Variants in MPDZ observed in about 807,000 individuals in gnomAD.
MPDZ encodes multiple PDZ domain protein.
MPDZ carries 234 observed loss-of-function variants against 239.1 expected under a neutral mutation model. The observed-to-expected ratio is 0.98, with a 90% CI of 0.88 to 1.09. The LOEUF is 1.09. Among genes scored for constraint, MPDZ ranks in the 50% least tolerant of loss-of-function variants. MPDZ has a pLI of 0.00. For missense variants in MPDZ, 3,175 were observed against 2,510.0 expected, an observed-to-expected ratio of 1.26 and a Z score of -5.66; for synonymous variants, 1,048 against 881.3, an observed-to-expected ratio of 1.19 and a Z score of -3.35.
intron 17 of MPDZ, among the ~76,000 whole-genome samples, chr9:13,187,320 A>T (rs1954250806): frequency 6.6e-6 from 1 of 152,154 alleles, no homozygotes; most frequent in Non-Finnish European, 1.5e-5. Context: ...CTGCTTCTGA[A>T]TAACTGGTAT....
At chr9:13,231,264 T>C (rs1050438367) in intron 3 of MPDZ, among the ~76,000 whole-genome samples, 1 of 152,012 alleles carries the variant, frequency 6.6e-6, no homozygotes, top group Non-Finnish European at 1.5e-5. Flanking sequence ...GTAACACATT[T>C]ATCAAAATAT....
chr9:13,271,735 A>G (rs1001448538), intron 1 of MPDZ, among the ~76,000 whole-genome samples: 5 of 152,186 alleles, frequency 3.3e-5, no homozygotes, highest in African/African-American at 1.2e-4. Context: ...ACCATAAGAC[A>G]ACGGAAGTGC....
rs1563854347 is a variant in MPDZ at position 13,126,660 on chromosome 9, G to A, written c.4557+20C>T. 5 of 1,612,080 alleles carry A rather than the reference G, an allele frequency of 3.1e-6. No homozygotes were observed. Among genetic ancestry groups the A allele is most frequent in the Admixed American group, 3.3e-5 (2 of 59,992 alleles). Reference sequence around the variant, plus strand: ...TTCCCTCCCCAACTACTTAATGACAGCAAGAAAGGTAAACCTCACCGTGGC... The same window carrying A: ...TTCCCTCCCCAACTACTTAATGACAACAAGAAAGGTAAACCTCACCGTGGC... On this transcript the variant is annotated intron_variant, in intron 33 of 46. Coordinates refer to ENST00000319217, the MANE Select transcript of MPDZ (RefSeq NM_001378778.1).
chr9:13,248,019 G>A (rs1966855400), intron 2 of MPDZ, among the ~76,000 whole-genome samples: 1 of 152,040 alleles, frequency 6.6e-6, no homozygotes, highest in Non-Finnish European at 1.5e-5. Flanking sequence ...TTGAGCTCAG[G>A]AGTTCGAGAC....
chr9:13,129,165 C>G (rs1945553031), intron 32 of MPDZ, among the ~76,000 whole-genome samples: 1 of 152,100 alleles, frequency 6.6e-6, no homozygotes, highest in African/African-American at 2.4e-5. Flanking sequence ...TTATTGATAT[C>G]AGAAAAGCAG....
intron 23 of MPDZ, among the ~76,000 whole-genome samples, chr9:13,160,661 T>C (rs1254855905): frequency 6.6e-6 from 1 of 151,550 alleles, no homozygotes; most frequent in Non-Finnish European, 1.5e-5. Flanking sequence ...GGAGTGTGGC[T>C]GAGCTTTGTA....
At chr9:13,208,772 A>C (rs1465437883) in intron 10 of MPDZ, among the ~76,000 whole-genome samples, 4 of 151,922 alleles carry the variant, frequency 2.6e-5, no homozygotes, top group Non-Finnish European at 5.9e-5. Flanking sequence ...TCAATCAAAA[A>C]TCCAGAAACC....
intron 25 of MPDZ, among the ~76,000 whole-genome samples, chr9:13,148,799 C>T (rs1315555013): frequency 6.6e-6 from 1 of 151,966 alleles, no homozygotes; most frequent in African/African-American, 2.4e-5. Flanking sequence ...CTCAGGATTA[C>T]AGAGGACTGA....
chr9:13,133,357 T>C (rs1486307429), intron 32 of MPDZ, among the ~76,000 whole-genome samples: 1 of 152,166 alleles, frequency 6.6e-6, no homozygotes, highest in African/African-American at 2.4e-5. Flanking sequence ...TTCTCTTATA[T>C]GTATAGTAAG....
chr9:13,247,671 C>T lies in MPDZ; in HGVS notation c.147G>A (p.Leu49=), dbSNP rs770908026. ...VLQSPLFSQI[L]SLQTSVQQLK... ...GCTGCTGTACAGAAGTCTGAAGGCT[C>T]AGAATCTGACTGAAGAGAGGGCTCT... The change falls in exon 3 of 47, where the codon CTG becomes CTA. Residue 49 remains leucine (L), a synonymous_variant. Transcript: ENST00000319217. The T allele has an allele frequency of 2.5e-6, 4 of 1,613,336 alleles. No individual in the cohort carries two copies. In the African/African-American group the frequency reaches 5.3e-5, roughly 22 times the overall value.
intron 2 of MPDZ, among the ~76,000 whole-genome samples, chr9:13,249,886 C>A (rs1359987883): frequency 1.3e-5 from 2 of 152,098 alleles, no homozygotes; most frequent in Non-Finnish European, 2.9e-5. Flanking sequence ...TTCTCTTTAT[C>A]AATTAATAGC....
intron 3 of MPDZ, among the ~76,000 whole-genome samples, chr9:13,225,398 T>C (rs1349619306): frequency 1.3e-5 from 2 of 151,788 alleles, no homozygotes; most frequent in African/African-American, 4.8e-5. Flanking sequence ...TACCAATAAC[T>C]CAACCATTAT....
At chr9:13,208,804 ATAC>A (rs1182818209) in intron 10 of MPDZ, among the ~76,000 whole-genome samples, 1 of 152,100 alleles carries the variant, frequency 6.6e-6, no homozygotes, top group African/African-American at 2.4e-5. Context: ...TGAAAATCTC[ATAC>A]TCTGTCAGTT....
At position 13,207,544 on chromosome 9, in the gene MPDZ, A is replaced by C. The variant is rs184476643; in HGVS notation, c.1291-1445T>G. 3.6e-3 allele frequency among the ~76,000 whole-genome samples: 555 copies of C among 152,286 alleles called. 2 individuals are homozygous for C. The highest frequency in any genetic ancestry group is 0.013 in the African/African-American group (525 of 41,564). ...CCCACTCTAGACCATGCTCTTTCTC[A>C]ATAGCTTACTTAGAAAATACATATA... On this transcript the variant is annotated intron_variant, in intron 10 of 46. Transcript: ENST00000319217.
rs753720293 is a variant in MPDZ at position 13,150,687 on chromosome 9, C to A, written c.3454G>T (p.Val1152Leu). Reference protein sequence around the residue: ...AYSNWNQPRRVELWREPSKSL... With the variant: ...AYSNWNQPRRLELWREPSKSL... The stretch of plus-strand genomic sequence containing the variant: ...TTGCTTGGTTCTCTCCAGAGTTCCA[C>A]CCTAAAAAATAAATAAAATTTTCAA... The change falls in exon 25 of 47, where the codon GTG becomes TTG. Residue 1152 changes from valine (V) to leucine (L), a missense_variant and splice_region_variant. Coordinates refer to ENST00000319217, the MANE Select transcript of MPDZ (RefSeq NM_001378778.1). 4.5e-6 allele frequency: 6 copies of A among 1,340,218 alleles called. No homozygotes were observed. The African/African-American group carries it at 4.5e-5, about 10-fold the overall frequency. The allele number at this position is 1,340,218 out of a possible 1,614,324, so 83.0% of individuals were successfully genotyped here.
chr9:13,189,020 A>G, intron 16 of MPDZ, 27 bp from the exon 17 acceptor site: 1 of 1,590,038 alleles, frequency 6.3e-7, no homozygotes, highest in Non-Finnish European at 8.6e-7. Context: ...GGAAAGAGTC[A>G]GCTCATTTTA....
intron 5 of MPDZ, among the ~76,000 whole-genome samples, 164 bp downstream of exon 5, chr9:13,223,407 G>C (rs536345850): frequency 6.6e-6 from 1 of 152,012 alleles, no homozygotes; most frequent in African/African-American, 2.4e-5. Flanking sequence ...CAAAGAACCT[G>C]CTATTTTATC....
At chr9:13,272,297 G>T (rs1046021527) in intron 1 of MPDZ, among the ~76,000 whole-genome samples, 1 of 152,088 alleles carries the variant, frequency 6.6e-6, no homozygotes, top group Non-Finnish European at 1.5e-5. Context: ...AAGCTAGCTA[G>T]GGAGCAATAA....
intron 35 of MPDZ, among the ~76,000 whole-genome samples, chr9:13,124,854 C>A (rs777855951): frequency 1.3e-5 from 2 of 152,086 alleles, no homozygotes; most frequent in African/African-American, 4.8e-5. Context: ...AAAGAATCTA[C>A]GAAATGATAT....
Sources: gnomAD v4.1 joint callset for allele counts (sites outside exome capture counted in the v4.1 genomes callset) on GRCh38, gnomAD v4.1.1 for gene constraint, MANE v1.5 for transcripts, NCBI Gene and HGNC (gene_info 2026-07-23, HGNC 2026-07-21) for gene names.